Variants in ABRACL observed in about 807,000 individuals in gnomAD.
ABRACL encodes the protein costars family protein ABRACL.
Under a neutral mutation model 7.0 loss-of-function variants are expected in ABRACL, and 4 were observed. The observed-to-expected ratio is 0.57, with a 90% confidence interval of 0.28 to 1.30. ABRACL has a LOEUF of 1.30. Ranked by LOEUF, ABRACL falls within the 50% of genes most tolerant of loss-of-function variation. ABRACL has a pLI of 0.10. For missense variants in ABRACL, 104 were observed against 97.3 expected (o/e 1.07, Z -0.29); for synonymous variants, 30 against 36.0 (o/e 0.83, Z 0.60).
chr6:139,030,291 A>G (rs943273032), intron 1 of ABRACL, among the ~76,000 whole-genome samples: 3 of 152,148 alleles, frequency 2.0e-5, no homozygotes, highest in Admixed American at 2.0e-4. Flanking sequence ...GGAACATTCA[A>G]CTTAACTTGC....
chr6:139,035,779 G>A (rs537764152), intron 2 of ABRACL, among the ~76,000 whole-genome samples: 18 of 150,156 alleles, frequency 1.2e-4, no homozygotes, highest in South Asian at 1.1e-3. Flanking sequence ...CACCACACCC[G>A]GCCTAGTTTC....
intron 2 of ABRACL, among the ~76,000 whole-genome samples, chr6:139,040,004 A>C (rs1786220703): frequency 6.6e-6 from 1 of 151,954 alleles, no homozygotes; most frequent in African/African-American, 2.4e-5. Flanking sequence ...GCTCAAGAGG[A>C]TCTCTTGAGT....
chr6:139,037,731 G>A (rs1419057742), intron 2 of ABRACL, among the ~76,000 whole-genome samples: 1 of 151,428 alleles, frequency 6.6e-6, no homozygotes, highest in Non-Finnish European at 1.5e-5. Context: ...AGCTCAGTGA[G>A]GTCATGTTAC....
intron 2 of ABRACL, among the ~76,000 whole-genome samples, chr6:139,035,700 C>T (rs1393904069): frequency 6.8e-6 from 1 of 148,082 alleles, no homozygotes; most frequent in East Asian, 2.2e-4. Flanking sequence ...CCAGGCTGGT[C>T]TTGAACTCCT....
chr6:139,041,715 T>C (rs1016535721), intron 2 of ABRACL, among the ~76,000 whole-genome samples: 2 of 151,976 alleles, frequency 1.3e-5, no homozygotes, highest in African/African-American at 4.8e-5. Context: ...TGCTTTGTAC[T>C]GTTGCTTTAC....
intron 1 of ABRACL, among the ~76,000 whole-genome samples, chr6:139,030,707 C>G (rs1313419246): frequency 6.6e-6 from 1 of 152,184 alleles, no homozygotes; most frequent in Non-Finnish European, 1.5e-5. Context: ...AAATACCACT[C>G]ACTATTATAT....
intron 1 of ABRACL, among the ~76,000 whole-genome samples, chr6:139,030,461 G>T (rs1786065724): frequency 6.6e-6 from 1 of 152,006 alleles, no homozygotes; most frequent in Non-Finnish European, 1.5e-5. Context: ...GCAGTCCTGG[G>T]ATTCTGTCCT....
chr6:139,040,024 C>T (rs534295614), intron 2 of ABRACL, among the ~76,000 whole-genome samples: 4 of 152,000 alleles, frequency 2.6e-5, no homozygotes, highest in African/African-American at 7.2e-5. Context: ...TCCAGGAGTT[C>T]GAGGTTGCAG....
At chr6:139,034,777 A>G (rs1200008625) in intron 2 of ABRACL, among the ~76,000 whole-genome samples, 1 of 152,216 alleles carries the variant, frequency 6.6e-6, no homozygotes, top group East Asian at 1.9e-4. Context: ...GGTAGTGTTT[A>G]AGAAAAATTA....
At chr6:139,040,941 C>T (rs1159343571) in intron 2 of ABRACL, among the ~76,000 whole-genome samples, 1 of 152,158 alleles carries the variant, frequency 6.6e-6, no homozygotes, top group Non-Finnish European at 1.5e-5. Context: ...TGGGTGCTTT[C>T]GAACTGTGTC....
chr6:139,031,927 G>GT (rs536759186), intron 1 of ABRACL, among the ~76,000 whole-genome samples: 61 of 151,638 alleles, frequency 4.0e-4, no homozygotes, highest in African/African-American at 1.4e-3. Context: ...CAAAACAACA[G>GT]TTGCCCACCA....
chr6:139,037,873 T>A (rs1786187881), intron 2 of ABRACL, among the ~76,000 whole-genome samples: 2 of 151,638 alleles, frequency 1.3e-5, no homozygotes, highest in African/African-American at 4.8e-5. Context: ...GCCTCCTGGG[T>A]TCAAACAATT....
chr6:139,039,396 C>T (rs534042492), intron 2 of ABRACL, among the ~76,000 whole-genome samples: 6 of 152,152 alleles, frequency 3.9e-5, no homozygotes, highest in South Asian at 2.1e-4. Flanking sequence ...TAAAATACAT[C>T]GAACAGTTCT....
intron 2 of ABRACL, among the ~76,000 whole-genome samples, chr6:139,036,190 C>T (rs1786153859): frequency 6.6e-6 from 1 of 151,832 alleles, no homozygotes; most frequent in Non-Finnish European, 1.5e-5. Context: ...ATCCACCTGC[C>T]TCGGCCTCCC....
chr6:139,034,204 A>G lies in ABRACL; in HGVS notation c.44A>G (p.His15Arg), dbSNP rs763259131. The G allele has an allele frequency of 9.9e-6, 16 of 1,614,210 alleles. No individual in the cohort carries two copies. The East Asian group carries it at 3.6e-4, about 36-fold the overall frequency. ...HEVNLLVEEI[H>R]RLGSKNADGK... ...GTTAACCTCTTAGTGGAGGAAATTC[A>G]TCGTTTGGGTTCAAAAAGTAAGTAT... The change falls in exon 2 of 3, where the codon CAT becomes CGT. Residue 15 changes from histidine (H) to arginine (R), a missense_variant. His to Arg is a conservative substitution (Grantham distance 29). Coordinates refer to ENST00000367660, the MANE Select transcript of ABRACL (RefSeq NM_021243.3).
At chr6:139,035,639 C>T (rs547915461) in intron 2 of ABRACL, among the ~76,000 whole-genome samples, 5 of 152,024 alleles carry the variant, frequency 3.3e-5, no homozygotes, top group East Asian at 2.0e-4. Context: ...CCTGCCACCA[C>T]GCTCAGCTAA....
chr6:139,034,316 G>A (rs200984294), intron 2 of ABRACL, 95 bp downstream of exon 2: 585 of 1,607,738 alleles, frequency 3.6e-4, no homozygotes, highest in Non-Finnish European at 4.7e-4. Flanking sequence ...GGTCACCCAG[G>A]GCTTCAGGAC....
Position 139,035,517 on chromosome 6 carries a change from C to T in ABRACL, c.61+1296C>T, listed in dbSNP as rs183904277. 4.9e-3 allele frequency among the ~76,000 whole-genome samples: 751 copies of T among 151,894 alleles called. 5 individuals are homozygous for T. The highest frequency in any genetic ancestry group is 9.3e-3 in the Non-Finnish European group (632 of 67,970). ...TTTTTTTTCGAGAGAGAATCTTACT[C>T]TGTCACTCAGGCTAGAGTGCAGTGG... On this transcript the variant is annotated intron_variant, in intron 2 of 2. Transcript: ENST00000367660.
At chr6:139,035,724 C>T (rs1240234380) in intron 2 of ABRACL, among the ~76,000 whole-genome samples, 1 of 149,722 alleles carries the variant, frequency 6.7e-6, no homozygotes, top group Non-Finnish European at 1.5e-5. Context: ...CTCAGGTGAT[C>T]CACCTGCCTC....
Sources: allele counts gnomAD v4.1 joint callset (sites outside exome capture counted in the v4.1 genomes callset), GRCh38; gene constraint gnomAD v4.1.1; transcripts MANE v1.5; gene names NCBI Gene and HGNC (gene_info 2026-07-23, HGNC 2026-07-21).